Variants in EHD2 observed in about 807,000 individuals in gnomAD.
EHD2 encodes EH domain-containing protein 2.
In EHD2, 27 loss-of-function variants were observed where a neutral mutation model predicts 41.0. The ratio of observed to expected loss-of-function variants is 0.66; its 90% CI spans 0.49 to 0.91. EHD2 has a LOEUF of 0.91. EHD2 is among the 40% of genes least tolerant of loss of function. The probability of loss-of-function intolerance (pLI) is 0.00; values close to 1 mark genes in which losing one functional copy is unlikely to be tolerated. For synonymous variants in EHD2, 342 were observed against 341.0 expected (o/e 1.00, Z -0.03); for missense variants, 673 against 773.9 (o/e 0.87, Z 1.55).
rs574811659 is a variant in EHD2, at chr19:47,728,751, G to T, written c.915+2527G>T. Among the ~76,000 whole-genome samples, 31 of 151,834 alleles carry T rather than the reference G, an allele frequency of 2.0e-4. 1 individual carries two copies. The highest frequency in any genetic ancestry group is 8.5e-4 in the Admixed American group (13 of 15,228). On this transcript the variant is annotated intron_variant, in intron 4 of 5. Coordinates refer to ENST00000263277, the MANE Select transcript of EHD2 (RefSeq NM_014601.4). The stretch of plus-strand genomic sequence containing the variant: ...ACCCAGCTAATTTTTTGTATTTTTA[G>T]TGGAGACGGGGTTTCACCATATTGG...
intron 4 of EHD2, chr19:47,731,274 A>AT (rs1568591711): frequency 2.6e-5 from 1 of 39,204 alleles, no homozygotes; most frequent in African/African-American, 7.6e-5. Context: ...CTTTAAAAAA[A>AT]AAAAAATATA....
At chr19:47,735,684 C>T (rs1326385325) in intron 4 of EHD2, among the ~76,000 whole-genome samples, 1 of 151,784 alleles carries the variant, frequency 6.6e-6, no homozygotes, top group Non-Finnish European at 1.5e-5. Flanking sequence ...GGGTGGATCA[C>T]CTGAGATTAG....
chr19:47,733,828 C>T (rs1011010723), intron 4 of EHD2, among the ~76,000 whole-genome samples: 2 of 140,850 alleles, frequency 1.4e-5, no homozygotes, highest in African/African-American at 2.5e-5. Flanking sequence ...AAGCGAATAA[C>T]GTCTTAGTAT....
In EHD2 at chr19:47,718,214, A is replaced by G. The variant is rs1568587712; in HGVS notation, c.405-295A>G. Among the ~76,000 whole-genome samples the G allele has an allele frequency of 2.0e-5, 3 of 148,674 alleles. No individual in the cohort carries two copies. The South Asian group carries it at 6.4e-4, about 32-fold the overall frequency. Reference sequence around the variant, plus strand: ...CTTGAACTCGGGAGGCGGAGGTTGCAGTGAGCTGAGATAGTGCCATTGCAC... The same window carrying G: ...CTTGAACTCGGGAGGCGGAGGTTGCGGTGAGCTGAGATAGTGCCATTGCAC... On this transcript the variant is annotated intron_variant, in intron 2 of 5. Transcript: ENST00000263277.
chr19:47,732,427 C>A (rs1346418048), intron 4 of EHD2, among the ~76,000 whole-genome samples: 1 of 150,126 alleles, frequency 6.7e-6, no homozygotes, highest in African/African-American at 2.4e-5. Flanking sequence ...CCTATTTATT[C>A]ATTTTTTTAG....
At chr19:47,723,682 A>AT (rs11309367) in intron 3 of EHD2, among the ~76,000 whole-genome samples, 74 of 129,136 alleles carry the variant, frequency 5.7e-4, no homozygotes, top group Middle Eastern at 8.5e-3. Flanking sequence ...AAGCTCAACC[A>AT]TTTTTTTTTT....
Position 47,741,554 on chromosome 19 carries a change from C to A in EHD2, c.*122C>A. The A allele has an allele frequency of 8.5e-7, 1 of 1,181,602 alleles. No homozygotes were observed. Among genetic ancestry groups the A allele is most frequent in the Non-Finnish European group, 1.2e-6 (1 of 858,356 alleles). The allele number at this position is 1,181,602 out of a possible 1,614,324, so 73.2% of individuals were successfully genotyped here. On this transcript the variant is annotated 3_prime_UTR_variant, in exon 6 of 6. Transcript: ENST00000263277. The surrounding 1 kb of genome is among the most constrained non-coding windows in gnomAD (Gnocchi z 4.5). ...CTGCCCAGCTGTAAGGACCGGGGGT[C>A]TCCCTCCTCACTACCGCCAGACACC...
chr19:47,718,526 TC>T lies in EHD2; in HGVS notation c.425del (p.Pro142LeufsTer24). ...GCCCCCAGGTTCATGTGTGCCCAGC[TC>T]CCTAATCAGGTCCTGGAGAGCATCA... ...TFLNRFMCAQLPNQVLESISI... is the reference protein window; with the variant it reads ...TFLNRFMCAQXPNQVLESISI... On this transcript the variant is annotated frameshift_variant, in exon 3 of 6. Coordinates refer to ENST00000263277, the MANE Select transcript of EHD2 (RefSeq NM_014601.4). LOFTEE classifies it high-confidence loss of function. 6.3e-7 allele frequency: 1 copy of T among 1,583,926 alleles called. No individual in the cohort carries two copies. The highest frequency in any genetic ancestry group is 1.8e-5 in the Admixed American group (1 of 55,034).
At chr19:47,736,673 G>A in intron 5 of EHD2, 140 bp downstream of exon 5, 1 of 949,620 alleles carries the variant, frequency 1.1e-6, no homozygotes, top group Non-Finnish European at 1.5e-6. Flanking sequence ...TTCCGTGGGA[G>A]CATGGTTTTA....
At chr19:47,721,164 GGTGTGTGTGTGTGT>G (rs60140753) in intron 3 of EHD2, among the ~76,000 whole-genome samples, 8 of 57,160 alleles carry the variant, frequency 1.4e-4, no homozygotes, top group African/African-American at 6.9e-4. Context: ...TGCTACTGGG[GGTGTGTGTGTGTGT>G]GTGTGTGTGT....
At chr19:47,726,334 T>C (rs939952317) in intron 4 of EHD2, 110 bp downstream of exon 4, 32 of 1,328,820 alleles carry the variant, frequency 2.4e-5, no homozygotes, top group Non-Finnish European at 3.1e-5. Context: ...GTTAGTTCTC[T>C]TGAAGTTGGG....
At chr19:47,728,153 G>A (rs995147701) in intron 4 of EHD2, among the ~76,000 whole-genome samples, 1 of 150,092 alleles carries the variant, frequency 6.7e-6, no homozygotes, top group Admixed American at 6.7e-5. Context: ...CACAGCACCC[G>A]TCTCCCATGA....
chr19:47,734,090 C>A (rs534376738), intron 4 of EHD2, among the ~76,000 whole-genome samples: 2 of 152,296 alleles, frequency 1.3e-5, no homozygotes, highest in South Asian at 4.1e-4. Flanking sequence ...GCTGGGAGAC[C>A]TGTCGGGCCA....
chr19:47,739,134 C>T (rs1966957227), intron 5 of EHD2, among the ~76,000 whole-genome samples: 1 of 152,006 alleles, frequency 6.6e-6, no homozygotes, highest in Non-Finnish European at 1.5e-5. Flanking sequence ...GGGTCTTGCT[C>T]TGTCACCCAG....
chr19:47,741,454 C>G lies in EHD2; in HGVS notation c.*22C>G. The G allele has an allele frequency of 6.5e-7, 1 of 1,548,932 alleles. No homozygotes were observed. Among genetic ancestry groups the G allele is most frequent in the Non-Finnish European group, 8.7e-7 (1 of 1,154,504 alleles). ...GTGAGCCGGCCCCCCTCCCATGGCC[C>G]TGCTGTGGCTCCCCAGCTCCAGTCG... On this transcript the variant is annotated 3_prime_UTR_variant, in exon 6 of 6. Coordinates refer to ENST00000263277, the MANE Select transcript of EHD2 (RefSeq NM_014601.4). The surrounding 1 kb of genome is among the most constrained non-coding windows in gnomAD (Gnocchi z 4.5).
At position 47,726,116 on chromosome 19, in the gene EHD2, C is replaced by G. The variant is rs1312039280; in HGVS notation, c.807C>G (p.Arg269=). The part of the protein sequence containing the change: ...SQPLLVPDNR[R]LFELEEQDLF... ...CCCTCCTCGTGCCCGACAACCGGCG[C>G]CTCTTCGAGCTGGAGGAGCAGGACC... The change falls in exon 4 of 6, where the codon CGC becomes CGG. Residue 269 remains arginine, a synonymous_variant. Coordinates refer to ENST00000263277, the MANE Select transcript of EHD2 (RefSeq NM_014601.4). 1 of 1,575,408 alleles carries G rather than the reference C, an allele frequency of 6.3e-7. No homozygotes were observed. The highest frequency in any genetic ancestry group is 1.2e-5 in the South Asian group (1 of 86,676).
At chr19:47,736,338 A>C in intron 4 of EHD2, 31 bp from the exon 5 acceptor site, 1 of 1,581,202 alleles carries the variant, frequency 6.3e-7, no homozygotes, top group Non-Finnish European at 8.6e-7. Context: ...GTGGACCCTG[A>C]TGCAGGCTGA....
At chr19:47,740,733 G>A (rs1966977171) in intron 5 of EHD2, 148 bp from the exon 6 acceptor site, 1 of 883,230 alleles carries the variant, frequency 1.1e-6, no homozygotes, top group African/African-American at 1.7e-5. Context: ...GGCAACAAGA[G>A]CAAGACTCTG....
intron 3 of EHD2, among the ~76,000 whole-genome samples, chr19:47,720,810 G>C (rs1282480535): frequency 2.6e-5 from 4 of 152,050 alleles, no homozygotes; most frequent in Non-Finnish European, 5.9e-5. Flanking sequence ...TGTATCTCCG[G>C]ATACAGTTGT....
Sources: gnomAD v4.1 joint callset for allele counts (sites outside exome capture counted in the v4.1 genomes callset) on GRCh38, gnomAD v4.1.1 for gene constraint, Gnocchi (gnomAD v3.1) non-coding constraint, MANE v1.5 for transcripts, NCBI Gene and HGNC (gene_info 2026-07-23, HGNC 2026-07-21) for gene names.